The following NELL1 variants were observed in gnomAD, a reference collection of about 807,000 sequenced individuals.
NELL1 encodes neural EGFL like 1, also known as protein kinase C-binding protein NELL1.
Under a neutral mutation model 107.4 loss-of-function variants are expected in NELL1, and 76 were observed. That is an observed-to-expected ratio of 0.71 (90% CI 0.59 to 0.86). NELL1 has a LOEUF of 0.86. Ranked by LOEUF, NELL1 falls within the 40% of genes least tolerant of loss-of-function variation. The pLI, the probability that NELL1 is intolerant of heterozygous loss-of-function variation, is 0.00. For missense variants in NELL1, 1,024 were observed against 1,005.5 expected (o/e 1.02, Z -0.25); for synonymous variants, 353 against 341.2 (o/e 1.03, Z -0.38).
chr11:20,889,728 A>G (rs12420774), intron 5 of NELL1, among the ~76,000 whole-genome samples: 20,854 of 152,178 alleles, frequency 0.14, 1,980 homozygotes, highest in African/African-American at 0.23. Flanking sequence ...CATGGAGAGA[A>G]GGAGGAACAG....
At chr11:21,000,568 C>A (rs1028014037) in intron 12 of NELL1, among the ~76,000 whole-genome samples, 1 of 152,144 alleles carries the variant, frequency 6.6e-6, no homozygotes, top group African/African-American at 2.4e-5. Flanking sequence ...CTTTCAAAGT[C>A]TCATGATTTT....
rs770044362 is a variant in NELL1, at chr11:20,669,744, A to G, written c.21A>G (p.Leu7=). Residue 7 remains leucine, a synonymous_variant, in exon 1 of 20, where the codon TTA becomes TTG. Coordinates refer to ENST00000357134, the MANE Select transcript of NELL1 (RefSeq NM_006157.5). This position sits in a 1 kb window ranked among gnomAD's most constrained non-coding sequence, Gnocchi z 4.4. ...GAGCGATGCCGATGGATTTGATTTT[A>G]GTTGTGTGGTTCTGTGTGTGCACTG... is the stretch of plus-strand genomic sequence containing the variant. The part of the protein sequence containing the change: MPMDLI[L]VVWFCVCTAR... 9 of 1,612,878 alleles carry G rather than the reference A, an allele frequency of 5.6e-6. No homozygotes were observed. In the South Asian group the frequency reaches 8.8e-5, roughly 16 times the overall value.
chr11:21,224,851 G>T (rs1325756209), intron 13 of NELL1, among the ~76,000 whole-genome samples: 1 of 152,154 alleles, frequency 6.6e-6, no homozygotes, highest in African/African-American at 2.4e-5. Flanking sequence ...TTCTCATTCA[G>T]ATCAGGCACT....
intron 4 of NELL1, among the ~76,000 whole-genome samples, chr11:20,884,303 G>C (rs1233722539): frequency 6.6e-6 from 1 of 152,188 alleles, no homozygotes; most frequent in Non-Finnish European, 1.5e-5. Flanking sequence ...GGAATACATC[G>C]CCCTCTGGCA....
rs151198204 is a variant in NELL1, at chr11:21,377,920, T to C, written c.1645+6972T>C. ...GGATTTCTTAACCTAGAAGACACTA[T>C]TGACATTTTAGTTCAGATAATTCTT... is the stretch of plus-strand genomic sequence containing the variant. On this transcript the variant is annotated intron_variant, in intron 15 of 19. Transcript: ENST00000357134. Among the ~76,000 whole-genome samples, 827 of 152,136 alleles carry C rather than the reference T, an allele frequency of 5.4e-3. 7 individuals are homozygous for C. The highest frequency in any genetic ancestry group is 0.018 in the African/African-American group (766 of 41,524).
At position 20,795,936 on chromosome 11, in the gene NELL1, T is replaced by G. The variant is rs535812872; in HGVS notation, c.335+12106T>G. The stretch of plus-strand genomic sequence containing the variant: ...AGATGTTTGAGCGTTTGCAGTTATC[T>G]TTAATTTACCTCAGACTCAGGGTTC... On this transcript the variant is annotated intron_variant, in intron 3 of 19. Transcript: ENST00000357134. Among the ~76,000 whole-genome samples, 3 of 152,328 alleles carry G rather than the reference T, an allele frequency of 2.0e-5. No homozygotes were observed. The East Asian group carries it at 5.8e-4, about 29-fold the overall frequency.
chr11:21,518,167 C>T (rs925244405), intron 15 of NELL1, among the ~76,000 whole-genome samples: 2 of 151,910 alleles, frequency 1.3e-5, no homozygotes, highest in Non-Finnish European at 2.9e-5. Context: ...CTGATTTTCC[C>T]CCTTTCAGAA....
intron 14 of NELL1, among the ~76,000 whole-genome samples, chr11:21,257,648 C>T (rs1272381904): frequency 6.6e-6 from 1 of 151,928 alleles, no homozygotes; most frequent in Non-Finnish European, 1.5e-5. Context: ...TAGATGTTTC[C>T]CCATGGCCAG....
At chr11:21,376,691 G>A (rs1851489485) in intron 15 of NELL1, among the ~76,000 whole-genome samples, 2 of 151,996 alleles carry the variant, frequency 1.3e-5, no homozygotes, top group South Asian at 2.1e-4. Flanking sequence ...AGCATGGAAT[G>A]TTTTTCCATT....
In NELL1 at chr11:21,534,403, G is replaced by A. The variant is rs370277230; in HGVS notation, c.1675G>A (p.Glu559Lys). The change falls in exon 16 of 20, where the codon GAG becomes AAG. Residue 559 changes from glutamate (E) to lysine (K), a missense_variant. Transcript: ENST00000357134. ...DIDECSEGII[E>K]CHNHSRCVNL... is the part of the protein sequence containing the mutation. Reference sequence around the variant, plus strand: ...TGATGAATGTTCAGAGGGAATCATTGAGTGCCACAACCATTCCCGCTGCGT... The same window carrying A: ...TGATGAATGTTCAGAGGGAATCATTAAGTGCCACAACCATTCCCGCTGCGT... 9.9e-6 allele frequency: 16 copies of A among 1,613,760 alleles called. No individual in the cohort carries two copies. The highest frequency in any genetic ancestry group is 2.7e-5 in the African/African-American group (2 of 74,906).
chr11:20,676,583 GT>G (rs1254453564), intron 1 of NELL1, among the ~76,000 whole-genome samples: 1 of 152,190 alleles, frequency 6.6e-6, no homozygotes. Context: ...GCAATAACCG[GT>G]TTCAGCTCTA....
intron 13 of NELL1, among the ~76,000 whole-genome samples, chr11:21,173,931 A>G (rs1856659592): frequency 6.6e-6 from 1 of 151,786 alleles, no homozygotes; most frequent in Non-Finnish European, 1.5e-5. Context: ...TAATTATGGC[A>G]GTGGCTATAT....
At chr11:21,054,150 A>G (rs936528990) in intron 12 of NELL1, among the ~76,000 whole-genome samples, 1 of 152,026 alleles carries the variant, frequency 6.6e-6, no homozygotes, top group African/African-American at 2.4e-5. Flanking sequence ...GAACTCTTCC[A>G]ATTTCTGCCT....
intron 13 of NELL1, among the ~76,000 whole-genome samples, chr11:21,135,163 TCA>T (rs1238059095): frequency 3.9e-5 from 6 of 152,212 alleles, no homozygotes; most frequent in African/African-American, 1.4e-4. Context: ...TCTCTTAAAC[TCA>T]CAGAGTTCCT....
chr11:21,391,401 A>G (rs1851875483), intron 15 of NELL1, among the ~76,000 whole-genome samples: 3 of 151,614 alleles, frequency 2.0e-5, no homozygotes, highest in South Asian at 4.1e-4. Context: ...CCCTGGTTTC[A>G]TTTCTGGGAC....
chr11:20,881,845 T>C (rs1849414594), intron 4 of NELL1, among the ~76,000 whole-genome samples: 1 of 152,184 alleles, frequency 6.6e-6, no homozygotes, highest in Non-Finnish European at 1.5e-5. Flanking sequence ...AATTTGCCTG[T>C]ATGTATCCCC....
chr11:20,844,838 G>A (rs532290783), intron 3 of NELL1, among the ~76,000 whole-genome samples: 120 of 152,334 alleles, frequency 7.9e-4, no homozygotes, highest in African/African-American at 2.6e-3. Context: ...TTCCACAGGT[G>A]ATGCTGCTAT....
At chr11:21,540,535 G>C (rs1856265209) in intron 16 of NELL1, among the ~76,000 whole-genome samples, 1 of 152,072 alleles carries the variant, frequency 6.6e-6, no homozygotes, top group South Asian at 2.1e-4. Flanking sequence ...GATTTAACTG[G>C]TTCATGGTTC....
intron 15 of NELL1, among the ~76,000 whole-genome samples, chr11:21,392,251 C>T (rs568546449): frequency 1.3e-5 from 2 of 151,750 alleles, no homozygotes; most frequent in Admixed American, 6.6e-5. Flanking sequence ...AGGAATCTAA[C>T]TGCTTTTTAA....
Sources: gnomAD v4.1 joint callset for allele counts (sites outside exome capture counted in the v4.1 genomes callset) on GRCh38, gnomAD v4.1.1 for gene constraint, Gnocchi (gnomAD v3.1) non-coding constraint, MANE v1.5 for transcripts, NCBI Gene and HGNC (gene_info 2026-07-23, HGNC 2026-07-21) for gene names.